PHACTR2: variants seen among roughly 807,000 people sequenced by gnomAD.
PHACTR2 encodes chromosome 6 open reading frame 56.
In PHACTR2, 30 loss-of-function variants were observed where a neutral mutation model predicts 76.0. The observed-to-expected ratio is 0.39, with a 90% CI of 0.30 to 0.54. The LOEUF (loss-of-function observed/expected upper bound fraction) is 0.54. Ranked by LOEUF, PHACTR2 falls within the 20% of genes least tolerant of loss-of-function variation. The pLI is 0.61. For synonymous variants in PHACTR2, 292 were observed against 292.5 expected, an observed-to-expected ratio of 1.00 and a Z score of 0.02; for missense variants, 696 against 781.1, an observed-to-expected ratio of 0.89 and a Z score of 1.30.
At chr6:143,814,153 C>A (rs1418035744) in intron 12 of PHACTR2, among the ~76,000 whole-genome samples, 2 of 152,112 alleles carry the variant, frequency 1.3e-5, no homozygotes, top group African/African-American at 4.8e-5. Flanking sequence ...GTCAGGAGTT[C>A]GAGACGAGCT....
rs904706646 is a variant in PHACTR2, at chr6:143,793,217, C to A, written c.1845+4307C>A. On this transcript the variant is annotated intron_variant, in intron 11 of 12. Coordinates refer to ENST00000440869, the MANE Select transcript of PHACTR2 (RefSeq NM_001100164.2). The surrounding 1 kb of genome is among the most constrained non-coding windows in gnomAD (Gnocchi z 4.4). ...GAAACAGTTCCTTTTGACTCTTGTT[C>A]TTTTGTTGGAAGGTAAAGCTCATTC... Among the ~76,000 whole-genome samples the A allele has an allele frequency of 9.2e-5, 14 of 152,044 alleles. 1 individual carries two copies. Among genetic ancestry groups the A allele is most frequent in the Middle Eastern group, 3.4e-3 (1 of 294 alleles).
At position 143,591,835 on chromosome 6, in the gene PHACTR2, G is replaced by C. The variant is rs912706805; in HGVS notation, c.217+54628G>C. The stretch of plus-strand genomic sequence containing the variant: ...GACATCCTTTCCTATGCCATGTTTT[G>C]GTTACTTTGGGCCCTAGAATTCCTG... On this transcript the variant is annotated intron_variant, in intron 1 of 11. Coordinates refer to the PHACTR2 transcript ENST00000367584. This position sits in a 1 kb window ranked among gnomAD's most constrained non-coding sequence, Gnocchi z 6.4. Among the ~76,000 whole-genome samples the C allele has an allele frequency of 6.6e-5, 10 of 152,150 alleles. No individual in the cohort carries two copies. Among genetic ancestry groups the C allele is most frequent in the African/African-American group, 1.7e-4 (7 of 41,432 alleles).
rs1031719991 is a variant in PHACTR2 at position 143,807,992 on chromosome 6, T to C, written c.1922+859T>C. Among the ~76,000 whole-genome samples, 7 of 152,196 alleles carry C rather than the reference T, an allele frequency of 4.6e-5. No homozygotes were observed. Among genetic ancestry groups the C allele is most frequent in the East Asian group, 1.9e-4 (1 of 5,200 alleles). ...GGGGGAGGAGTGAGGTTTGTTATCATAGACTTGCTCCACAGCTTTTCTTCC... is the reference window on the plus strand; with the variant it reads ...GGGGGAGGAGTGAGGTTTGTTATCACAGACTTGCTCCACAGCTTTTCTTCC... On this transcript the variant is annotated intron_variant, in intron 12 of 12. Transcript: ENST00000440869. The surrounding 1 kb of genome is among the most constrained non-coding windows in gnomAD (Gnocchi z 5.5).
chr6:143,735,259 T>C (rs1234184980), intron 2 of PHACTR2, among the ~76,000 whole-genome samples: 4 of 150,640 alleles, frequency 2.7e-5, no homozygotes, highest in Non-Finnish European at 1.5e-5. Flanking sequence ...AGACAGGGCG[T>C]AAGAGGCTAT....
At chr6:143,614,186 C>T (rs1389347013) in intron 1 of PHACTR2, among the ~76,000 whole-genome samples, 1 of 152,198 alleles carries the variant, frequency 6.6e-6, no homozygotes, top group African/African-American at 2.4e-5. Flanking sequence ...CACGCCATTG[C>T]ACTCCAGCCT....
At chr6:143,796,348 A>G (rs1166048553) in intron 11 of PHACTR2, among the ~76,000 whole-genome samples, 1 of 152,070 alleles carries the variant, frequency 6.6e-6, no homozygotes, top group Non-Finnish European at 1.5e-5. Flanking sequence ...ATGCTATTTG[A>G]GAAGGCAGCA....
rs990874340 is a variant in PHACTR2 at position 143,664,365 on chromosome 6, G to C, written c.14-47651G>C. On this transcript the variant is annotated intron_variant, in intron 1 of 11. Transcript: ENST00000305766. The surrounding 1 kb of genome is among the most constrained non-coding windows in gnomAD (Gnocchi z 5.1). ...TGCTGCTCACAATTTTTTAGTCTTTGTCATTAGATAAGAAAGCTTATTCCT... is the reference window on the plus strand; with the variant it reads ...TGCTGCTCACAATTTTTTAGTCTTTCTCATTAGATAAGAAAGCTTATTCCT... 6.6e-6 allele frequency among the ~76,000 whole-genome samples: 1 copy of C among 152,032 alleles called. No homozygotes were observed. Among genetic ancestry groups the C allele is most frequent in the Non-Finnish European group, 1.5e-5 (1 of 67,980 alleles).
intron 1 of PHACTR2, among the ~76,000 whole-genome samples, chr6:143,564,677 A>G (rs1775337623): frequency 6.6e-6 from 1 of 152,112 alleles, no homozygotes; most frequent in African/African-American, 2.4e-5. Flanking sequence ...AGGGCTCAGC[A>G]CCCTGAGAAG....
chr6:143,634,241 C>T (rs12215937), intron 1 of PHACTR2, among the ~76,000 whole-genome samples: 58,068 of 151,992 alleles, frequency 0.38, 12,222 homozygotes, highest in Non-Finnish European at 0.48. Context: ...GGAGAAGGTC[C>T]TAATATATGT....
At chr6:143,605,278 TTAA>T (rs1215734540), upstream of PHACTR2, among the ~76,000 whole-genome samples, 2 of 152,068 alleles carry the variant, frequency 1.3e-5, no homozygotes, top group African/African-American at 4.8e-5. This position sits in a 1 kb window ranked among gnomAD's most constrained non-coding sequence, Gnocchi z 5.0. Context: ...CATGGGAAGG[TTAA>T]TAAAAATGGG....
At position 143,799,701 on chromosome 6, in the gene PHACTR2, T is replaced by A. The variant is rs143294915; in HGVS notation, c.1846-7356T>A. Among the ~76,000 whole-genome samples, 573 of 152,296 alleles carry A rather than the reference T, an allele frequency of 3.8e-3. 2 individuals are homozygous for A. The highest frequency in any genetic ancestry group is 0.013 in the African/African-American group (546 of 41,558). ...TTCCACGTAGCTGTGCGGTTTTGAG[T>A]GAGATTCTTAATCCTGAGTTCTAAT... is the stretch of plus-strand genomic sequence containing the variant. On this transcript the variant is annotated intron_variant, in intron 11 of 12. Transcript: ENST00000440869.
At chr6:143,600,429 GGCATTGCT>G (rs1227857417) in intron 1 of PHACTR2, among the ~76,000 whole-genome samples, 1 of 152,250 alleles carries the variant, frequency 6.6e-6, no homozygotes, top group African/African-American at 2.4e-5. Flanking sequence ...GTGACCTGGT[GGCATTGCT>G]GCCAACTCAA....
chr6:143,606,021 C>T (rs149046631), upstream of PHACTR2, among the ~76,000 whole-genome samples: 1 of 152,226 alleles, frequency 6.6e-6, no homozygotes. Flanking sequence ...TCAACTGAAA[C>T]CCTTGGAGTC....
At chr6:143,630,953 G>A (rs923319134) in intron 1 of PHACTR2, among the ~76,000 whole-genome samples, 8 of 152,190 alleles carry the variant, frequency 5.3e-5, no homozygotes, top group African/African-American at 1.2e-4. Flanking sequence ...ATGGCTGCTC[G>A]AAGTGACACA....
At chr6:143,778,234 T>C (rs539863031) in intron 9 of PHACTR2, among the ~76,000 whole-genome samples, 2 of 152,314 alleles carry the variant, frequency 1.3e-5, no homozygotes, top group East Asian at 1.9e-4. Context: ...TAGTGACCCA[T>C]GGTGTGGGGG....
At position 143,801,193 on chromosome 6, in the gene PHACTR2, C is replaced by T. The variant is rs1775946708; in HGVS notation, c.1846-5864C>T. 2.0e-5 allele frequency among the ~76,000 whole-genome samples: 3 copies of T among 151,942 alleles called. No homozygotes were observed. In the East Asian group the frequency reaches 5.8e-4, roughly 29 times the overall value. On this transcript the variant is annotated intron_variant, in intron 11 of 12. Transcript: ENST00000440869. This position sits in a 1 kb window ranked among gnomAD's most constrained non-coding sequence, Gnocchi z 4.6. ...GTGTCTTGGGGTTGCTCTTCTCGGG[C>T]AATCTCTTTGTGGTGTATTCTCTGT... is the stretch of plus-strand genomic sequence containing the variant.
chr6:143,675,209 A>G (rs1045131221), upstream of PHACTR2, among the ~76,000 whole-genome samples: 6 of 152,250 alleles, frequency 3.9e-5, no homozygotes, highest in Non-Finnish European at 8.8e-5. The surrounding 1 kb of genome is among the most constrained non-coding windows in gnomAD (Gnocchi z 4.9). Flanking sequence ...AAATGAATAA[A>G]TCACAGTAGT....
At chr6:143,734,177 T>G (rs989557805) in intron 2 of PHACTR2, among the ~76,000 whole-genome samples, 8 of 152,322 alleles carry the variant, frequency 5.3e-5, no homozygotes, top group African/African-American at 1.7e-4. Context: ...AGTGCTAACT[T>G]TTTGTGCATT....
In PHACTR2 at chr6:143,554,756, A is replaced by C. The variant is rs1039019696; in HGVS notation, c.217+17549A>C. 5 of 152,194 alleles carry C rather than the reference A, an allele frequency of 3.3e-5. No homozygotes were observed. The highest frequency in any genetic ancestry group is 7.3e-5 in the Non-Finnish European group (5 of 68,030). The allele number at this position is 152,194 out of a possible 1,614,324, so 9.4% of individuals were successfully genotyped here. A position where few individuals can be genotyped will look rare whatever the true frequency, so the allele number is the denominator to read the frequency against. On this transcript the variant is annotated intron_variant, in intron 1 of 11. Transcript: ENST00000367584. This position sits in a 1 kb window ranked among gnomAD's most constrained non-coding sequence, Gnocchi z 5.9. ...CACTCAAATAATCTTTGTCACTGCC[A>C]GTCTAAGAGGTCAAAAGTGTAATTT...
Sources: allele counts gnomAD v4.1 joint callset (sites outside exome capture counted in the v4.1 genomes callset), GRCh38; gene constraint gnomAD v4.1.1; non-coding constraint Gnocchi (gnomAD v3.1); transcripts MANE v1.5; gene names NCBI Gene and HGNC (gene_info 2026-07-23, HGNC 2026-07-21).